The following C8orf34 variants were observed in gnomAD, a reference collection of about 807,000 sequenced individuals.
C8orf34 encodes the protein chromosome 8 open reading frame 34, also known as uncharacterized protein C8orf34.
In C8orf34, 65 loss-of-function variants were observed where a neutral mutation model predicts 68.3. The ratio of observed to expected loss-of-function variants is 0.95; its 90% CI spans 0.78 to 1.17. The LOEUF (loss-of-function observed/expected upper bound fraction) is 1.17, where lower values mean the gene tolerates loss of function less well. C8orf34 is among the 50% of genes most tolerant of loss of function. C8orf34 has a pLI of 0.00. For synonymous variants in C8orf34, 244 were observed against 241.2 expected (o/e 1.01, Z -0.11); for missense variants, 664 against 655.4 (o/e 1.01, Z -0.14).
intron 1 of C8orf34, among the ~76,000 whole-genome samples, chr8:68,405,881 T>C (rs1467970416): frequency 6.6e-6 from 1 of 152,226 alleles, no homozygotes; most frequent in Non-Finnish European, 1.5e-5. Context: ...TCTCAACTTT[T>C]AGATTTCCTG....
intron 8 of C8orf34, among the ~76,000 whole-genome samples, chr8:68,679,245 C>G (rs1365278246): frequency 2.0e-5 from 3 of 152,010 alleles, no homozygotes; most frequent in Non-Finnish European, 4.4e-5. Flanking sequence ...CAAGATCCCA[C>G]CACTGCACTC....
chr8:68,380,424 A>C (rs929580084), intron 1 of C8orf34, among the ~76,000 whole-genome samples: 3 of 152,270 alleles, frequency 2.0e-5, no homozygotes, highest in African/African-American at 7.2e-5. Flanking sequence ...GTCACTGTGG[A>C]AATTACTGTT....
rs184939293 is a variant in C8orf34 at position 68,478,649 on chromosome 8, G to C, written c.737-9374G>C. On this transcript the variant is annotated intron_variant, in intron 4 of 13. Coordinates refer to ENST00000518698, the MANE Select transcript of C8orf34 (RefSeq NM_052958.4). ...TTTAATTGATTCACAGTCCTACATG[G>C]CTGAAGAGGCCTCAGGAAACTTACA... is the stretch of plus-strand genomic sequence containing the variant. Among the ~76,000 whole-genome samples the C allele has an allele frequency of 2.0e-5, 3 of 152,328 alleles. No homozygotes were observed. In the East Asian group the frequency reaches 5.8e-4, roughly 29 times the overall value.
intron 1 of C8orf34, among the ~76,000 whole-genome samples, chr8:68,398,200 G>A (rs528750035): frequency 1.9e-4 from 29 of 152,192 alleles, no homozygotes; most frequent in African/African-American, 6.7e-4. Flanking sequence ...ATAGATTATA[G>A]AAACACAAAG....
At chr8:68,577,461 C>T (rs1816939074) in intron 7 of C8orf34, among the ~76,000 whole-genome samples, 1 of 151,742 alleles carries the variant, frequency 6.6e-6, no homozygotes, top group Non-Finnish European at 1.5e-5. Flanking sequence ...CCTTACGTTA[C>T]CAATTTGCAC....
chr8:68,771,397 C>T (rs1241382452), intron 10 of C8orf34, among the ~76,000 whole-genome samples: 1 of 152,132 alleles, frequency 6.6e-6, no homozygotes, highest in East Asian at 1.9e-4. Flanking sequence ...ATGTAGCCAT[C>T]ATATTAGCAG....
intron 8 of C8orf34, among the ~76,000 whole-genome samples, chr8:68,685,210 A>G (rs1024758640): frequency 3.9e-5 from 6 of 152,126 alleles, no homozygotes; most frequent in African/African-American, 1.4e-4. Context: ...CTTTTTGATA[A>G]CTAGAGCTCC....
intron 7 of C8orf34, among the ~76,000 whole-genome samples, chr8:68,539,162 T>C (rs1815606435): frequency 6.6e-6 from 1 of 152,222 alleles, no homozygotes; most frequent in Non-Finnish European, 1.5e-5. Context: ...TTACATATTA[T>C]TAAGGTATTG....
intron 10 of C8orf34, among the ~76,000 whole-genome samples, chr8:68,744,048 G>C (rs540151838): frequency 1.3e-5 from 2 of 152,310 alleles, no homozygotes; most frequent in East Asian, 3.9e-4. Context: ...AGAACGGGCA[G>C]ACTGCCTCCT....
At chr8:68,760,329 T>C (rs930780532) in intron 10 of C8orf34, among the ~76,000 whole-genome samples, 2 of 152,228 alleles carry the variant, frequency 1.3e-5, no homozygotes, top group African/African-American at 2.4e-5. Flanking sequence ...GCATTCTTAG[T>C]TGTAGTGTCT....
At chr8:68,438,402 T>C (rs1283194824) in intron 1 of C8orf34, 2 of 152,112 alleles carry the variant, frequency 1.3e-5, no homozygotes, top group Non-Finnish European at 2.9e-5. Context: ...GACCGAAGGA[T>C]GACACACCAG....
At chr8:68,678,022 G>C (rs930392374) in intron 8 of C8orf34, among the ~76,000 whole-genome samples, 1 of 152,100 alleles carries the variant, frequency 6.6e-6, no homozygotes, top group Non-Finnish European at 1.5e-5. Flanking sequence ...AACATACCAA[G>C]ATTGAACCAT....
intron 8 of C8orf34, among the ~76,000 whole-genome samples, chr8:68,708,621 G>A (rs1034054572): frequency 6.6e-6 from 1 of 152,134 alleles, no homozygotes; most frequent in African/African-American, 2.4e-5. Flanking sequence ...ATCCTTTTAT[G>A]ACTCCCAGAC....
chr8:68,585,674 C>T (rs1395445941), intron 7 of C8orf34, among the ~76,000 whole-genome samples: 1 of 152,000 alleles, frequency 6.6e-6, no homozygotes, highest in African/African-American at 2.4e-5. Flanking sequence ...CCAGGCGTGG[C>T]AGGGCTGGAG....
Position 68,576,365 on chromosome 8 carries a change from C to T in C8orf34, c.1105+43216C>T, listed in dbSNP as rs886417317. On this transcript the variant is annotated intron_variant, in intron 7 of 13. Coordinates refer to ENST00000518698, the MANE Select transcript of C8orf34 (RefSeq NM_052958.4). The stretch of plus-strand genomic sequence containing the variant: ...TAAACGTATTCAGCTAACATTCAAG[C>T]AGATTTTTCCTTCAACTATGGTGCA... Among the ~76,000 whole-genome samples the T allele has an allele frequency of 7.3e-5, 11 of 150,810 alleles. No homozygotes were observed. In the South Asian group the frequency reaches 8.3e-4, roughly 11 times the overall value.
intron 12 of C8orf34, among the ~76,000 whole-genome samples, chr8:68,812,404 A>G (rs574679838): frequency 7.7e-4 from 117 of 152,320 alleles, no homozygotes; most frequent in African/African-American, 2.5e-3. Flanking sequence ...AAAACTGTAT[A>G]TCGTCTTTAG....
intron 8 of C8orf34, among the ~76,000 whole-genome samples, chr8:68,666,774 G>GA (rs1371919646): frequency 6.6e-6 from 1 of 152,062 alleles, no homozygotes; most frequent in Non-Finnish European, 1.5e-5. Context: ...AAACAATTTA[G>GA]AAAAAATGAA....
chr8:68,812,768 G>T (rs949270921), intron 12 of C8orf34, among the ~76,000 whole-genome samples: 1 of 151,880 alleles, frequency 6.6e-6, no homozygotes, highest in Non-Finnish European at 1.5e-5. Flanking sequence ...AGTTCAAATT[G>T]GTTACGTAAC....
At chr8:68,382,479 A>G (rs1313674565) in intron 1 of C8orf34, among the ~76,000 whole-genome samples, 1 of 152,240 alleles carries the variant, frequency 6.6e-6, no homozygotes, top group South Asian at 2.1e-4. Flanking sequence ...ACGTGTACCT[A>G]CTGTGTTGAA....
Sources: allele counts gnomAD v4.1 joint callset (sites outside exome capture counted in the v4.1 genomes callset), GRCh38; gene constraint gnomAD v4.1.1; transcripts MANE v1.5; gene names NCBI Gene and HGNC (gene_info 2026-07-23, HGNC 2026-07-21).